Variants in ERBB4 observed in about 807,000 individuals in gnomAD.
ERBB4 encodes erb-b2 receptor tyrosine kinase 4.
A neutral mutation model predicts 158.0 loss-of-function variants in ERBB4; 42 were observed. The ratio of observed to expected loss-of-function variants is 0.27; its 90% CI spans 0.21 to 0.34. The LOEUF (loss-of-function observed/expected upper bound fraction) is 0.34, where lower values mean the gene tolerates loss of function less well. Ranked by LOEUF, ERBB4 falls within the 10% of genes least tolerant of loss-of-function variation. The pLI is 1.00. For synonymous variants in ERBB4, 583 were observed against 558.7 expected (o/e 1.04, Z -0.61); for missense variants, 1,333 against 1,624.1 (o/e 0.82, Z 3.08).
intron 2 of ERBB4, among the ~76,000 whole-genome samples, chr2:212,119,814 G>T (rs1490118309): frequency 6.6e-6 from 1 of 152,056 alleles, no homozygotes. Context: ...GTCTTGAAAA[G>T]AATGCATTTA....
At chr2:211,429,520 G>T (rs528171333) in intron 21 of ERBB4, among the ~76,000 whole-genome samples, 1 of 152,216 alleles carries the variant, frequency 6.6e-6, no homozygotes, top group Non-Finnish European at 1.5e-5. Flanking sequence ...TCCTGCTGAT[G>T]ATGGGTCAGC....
chr2:212,382,340 T>C (rs11902992), intron 1 of ERBB4, among the ~76,000 whole-genome samples: 255 of 150,714 alleles, frequency 1.7e-3, no homozygotes, highest in Middle Eastern at 7.0e-3. Flanking sequence ...ATAAAACACA[T>C]ATGTGCATAT....
At chr2:212,222,770 T>C (rs1460953104) in intron 1 of ERBB4, among the ~76,000 whole-genome samples, 2 of 151,554 alleles carry the variant, frequency 1.3e-5, no homozygotes, top group Admixed American at 1.3e-4. Context: ...ATTTCCTAAT[T>C]TTGCATATTT....
chr2:211,714,076 G>A (rs1403719855), intron 7 of ERBB4, among the ~76,000 whole-genome samples: 1 of 152,190 alleles, frequency 6.6e-6, no homozygotes, highest in Non-Finnish European at 1.5e-5. Flanking sequence ...ACATCCAGGA[G>A]AAAATGCTCA....
chr2:212,087,508 T>G (rs2078652261), intron 2 of ERBB4, among the ~76,000 whole-genome samples: 1 of 152,088 alleles, frequency 6.6e-6, no homozygotes, highest in Non-Finnish European at 1.5e-5. Context: ...TAACAAATGT[T>G]TGGTGAATTA....
chr2:211,896,344 G>T (rs766177146), intron 3 of ERBB4, among the ~76,000 whole-genome samples: 8 of 152,070 alleles, frequency 5.3e-5, no homozygotes, highest in Non-Finnish European at 1.2e-4. Context: ...CTAGGTGTAA[G>T]CAAAACAACT....
chr2:211,962,392 A>G (rs2081202859), intron 2 of ERBB4, among the ~76,000 whole-genome samples: 1 of 152,144 alleles, frequency 6.6e-6, no homozygotes, highest in South Asian at 2.1e-4. Context: ...CAGAGAGAAT[A>G]ATATGTCTAA....
At chr2:212,191,757 TATAC>T in intron 1 of ERBB4, among the ~76,000 whole-genome samples, 2 of 73,228 alleles carry the variant, frequency 2.7e-5, no homozygotes, top group African/African-American at 9.1e-5. Flanking sequence ...TAACACGTGT[TATAC>T]ATGTTATATA....
At chr2:211,795,924 G>A (rs2076373622) in intron 3 of ERBB4, among the ~76,000 whole-genome samples, 1 of 151,870 alleles carries the variant, frequency 6.6e-6, no homozygotes, top group Non-Finnish European at 1.5e-5. Context: ...AGCAGTCTCT[G>A]TTATAGTGAC....
At position 212,324,772 on chromosome 2, in the gene ERBB4, T is replaced by G. The variant is rs561057865; in HGVS notation, c.83-199869A>C. On this transcript the variant is annotated intron_variant, in intron 1 of 27. Coordinates refer to ENST00000342788, the MANE Select transcript of ERBB4 (RefSeq NM_005235.3). ...GTTTTCTAAAGTGATATCAGTTACT[T>G]GCATGGGAAGAGGGGGAAATACTAC... Among the ~76,000 whole-genome samples, 27 of 150,582 alleles carry G rather than the reference T, an allele frequency of 1.8e-4. 1 individual carries two copies. The highest frequency in any genetic ancestry group is 2.8e-4 in the Non-Finnish European group (19 of 67,138).
chr2:212,491,285 T>G (rs1690263686), intron 1 of ERBB4, among the ~76,000 whole-genome samples: 3 of 151,654 alleles, frequency 2.0e-5, no homozygotes, highest in Admixed American at 2.0e-4. Context: ...AAAGCAATAA[T>G]AAGAATTCAT....
intron 25 of ERBB4, among the ~76,000 whole-genome samples, chr2:211,411,975 C>T (rs2063271914): frequency 6.6e-6 from 1 of 151,682 alleles, no homozygotes; most frequent in African/African-American, 2.4e-5. Flanking sequence ...AAAAATAAAA[C>T]TAATTGGATC....
At chr2:212,516,213 T>C (rs138413513) in intron 1 of ERBB4, among the ~76,000 whole-genome samples, 1,566 of 152,126 alleles carry the variant, frequency 0.01, 16 homozygotes, top group Middle Eastern at 0.034. Flanking sequence ...AAAGTACTAA[T>C]AGTAGTGATT....
chr2:211,904,102 G>C (rs1246592513), intron 3 of ERBB4, among the ~76,000 whole-genome samples: 5 of 152,094 alleles, frequency 3.3e-5, no homozygotes, highest in African/African-American at 1.2e-4. Flanking sequence ...AATAAATACT[G>C]TTCCAAGTAT....
intron 5 of ERBB4, among the ~76,000 whole-genome samples, chr2:211,748,140 A>C (rs2075027974): frequency 6.6e-6 from 1 of 151,946 alleles, no homozygotes; most frequent in Non-Finnish European, 1.5e-5. Flanking sequence ...TGCCATGTGG[A>C]AACCAGTGAT....
At chr2:211,663,424 A>T (rs2105914040) in intron 15 of ERBB4, among the ~76,000 whole-genome samples, 1 of 152,270 alleles carries the variant, frequency 6.6e-6, no homozygotes, top group South Asian at 2.1e-4. Context: ...GCGGCTGCAA[A>T]TTGCTAAAGG....
At chr2:212,088,981 AAAAC>A (rs2078695195) in intron 2 of ERBB4, among the ~76,000 whole-genome samples, 1 of 152,116 alleles carries the variant, frequency 6.6e-6, no homozygotes, top group South Asian at 2.1e-4. Flanking sequence ...TACAGAAACA[AAAAC>A]AAACAAATAT....
intron 2 of ERBB4, among the ~76,000 whole-genome samples, chr2:212,027,515 T>A (rs1484866067): frequency 6.6e-6 from 1 of 152,112 alleles, no homozygotes; most frequent in Non-Finnish European, 1.5e-5. Flanking sequence ...GTGCTTATCA[T>A]TGATCAATTT....
intron 3 of ERBB4, among the ~76,000 whole-genome samples, chr2:211,806,742 A>G (rs926888039): frequency 6.6e-5 from 10 of 152,308 alleles, no homozygotes; most frequent in South Asian, 4.1e-4. Context: ...ATGAAAGCCA[A>G]GTGGAAACAT....
Sources: allele counts gnomAD v4.1 joint callset (sites outside exome capture counted in the v4.1 genomes callset), GRCh38; gene constraint gnomAD v4.1.1; transcripts MANE v1.5; gene names NCBI Gene and HGNC (gene_info 2026-07-23, HGNC 2026-07-21).